The following SHISAL2B variants were observed in gnomAD, a reference collection of about 807,000 sequenced individuals.
The protein encoded by SHISAL2B is protein shisa-like-2B.
SHISAL2B carries 12 observed loss-of-function variants against 16.5 expected under a neutral mutation model. That is an observed-to-expected ratio of 0.73 (90% CI 0.47 to 1.18). SHISAL2B has a LOEUF of 1.18. SHISAL2B is among the 50% of genes most tolerant of loss of function. The probability of loss-of-function intolerance (pLI) is 0.00; values close to 1 mark genes in which losing one functional copy is unlikely to be tolerated. For missense variants in SHISAL2B, 183 were observed against 193.6 expected, an observed-to-expected ratio of 0.95 and a Z score of 0.33; for synonymous variants, 72 against 75.0, an observed-to-expected ratio of 0.96 and a Z score of 0.21.
At chr5:64,716,436 G>A (rs1561379051) in intron 2 of SHISAL2B, among the ~76,000 whole-genome samples, 1 of 152,114 alleles carries the variant, frequency 6.6e-6, no homozygotes, top group Non-Finnish European at 1.5e-5. Flanking sequence ...TTGGAATGTG[G>A]TACTTAAATT....
chr5:64,701,079 C>G (rs1025146021), intron 2 of SHISAL2B, among the ~76,000 whole-genome samples: 1 of 152,156 alleles, frequency 6.6e-6, no homozygotes, highest in African/African-American at 2.4e-5. Flanking sequence ...TTTAAATCAT[C>G]TCTAGGTTAA....
At chr5:64,713,135 C>T (rs998799784) in intron 2 of SHISAL2B, among the ~76,000 whole-genome samples, 9 of 140,944 alleles carry the variant, frequency 6.4e-5, no homozygotes, top group Non-Finnish European at 1.1e-4. Flanking sequence ...TTCCTAGTCT[C>T]GATGGTCTTT....
chr5:64,703,418 G>C (rs1741836200), intron 2 of SHISAL2B, among the ~76,000 whole-genome samples: 1 of 152,130 alleles, frequency 6.6e-6, no homozygotes, highest in Non-Finnish European at 1.5e-5. Context: ...AACTGCTTTT[G>C]TTCCTACAAT....
At chr5:64,699,923 C>T (rs2112060805) in intron 2 of SHISAL2B, among the ~76,000 whole-genome samples, 1 of 152,304 alleles carries the variant, frequency 6.6e-6, no homozygotes, top group East Asian at 1.9e-4. Flanking sequence ...ATTGTAGACT[C>T]TAATTGGACT....
intron 2 of SHISAL2B, among the ~76,000 whole-genome samples, chr5:64,697,346 TAGA>T (rs1314517317): frequency 1.3e-5 from 2 of 152,198 alleles, no homozygotes; most frequent in Non-Finnish European, 2.9e-5. Flanking sequence ...AAAAAATAAG[TAGA>T]AGATGTATTG....
intron 1 of SHISAL2B, among the ~76,000 whole-genome samples, chr5:64,694,398 T>C (rs1289804682): frequency 1.3e-5 from 2 of 152,210 alleles, no homozygotes; most frequent in Admixed American, 6.5e-5. Flanking sequence ...CAAAATGTGG[T>C]TCAAGAAGTA....
At chr5:64,712,088 ATGTGTTTGCTCT>A (rs1741966902) in intron 2 of SHISAL2B, among the ~76,000 whole-genome samples, 1 of 81,816 alleles carries the variant, frequency 1.2e-5, no homozygotes, top group Non-Finnish European at 2.5e-5. Flanking sequence ...TAGCTTTTGA[ATGTGTTTGCTCT>A]TGCTTTTCTA....
At chr5:64,697,411 C>T (rs1310411275) in intron 2 of SHISAL2B, among the ~76,000 whole-genome samples, 3 of 152,128 alleles carry the variant, frequency 2.0e-5, no homozygotes, top group East Asian at 1.9e-4. Context: ...TGTAGTGTGA[C>T]TATAAAGTAG....
intron 1 of SHISAL2B, among the ~76,000 whole-genome samples, chr5:64,692,585 C>A (rs1483609868): frequency 1.3e-5 from 2 of 152,192 alleles, no homozygotes; most frequent in Non-Finnish European, 2.9e-5. Context: ...AATAGTCCAA[C>A]TGGGAAGAGT....
In SHISAL2B at chr5:64,715,173, A is replaced by G. The variant is rs140636791; in HGVS notation, c.350-2716A>G. Among the ~76,000 whole-genome samples, 11 of 152,294 alleles carry G rather than the reference A, an allele frequency of 7.2e-5. No individual in the cohort carries two copies. In the East Asian group the frequency reaches 2.1e-3, roughly 29 times the overall value. On this transcript the variant is annotated intron_variant, in intron 2 of 2. Transcript: ENST00000389074. ...ATTGATACTAGAAAGCATTTTACTTATAGAAAGGTATCTTTAATATATATT... is the reference window on the plus strand; with the variant it reads ...ATTGATACTAGAAAGCATTTTACTTGTAGAAAGGTATCTTTAATATATATT...
At position 64,690,661 on chromosome 5, in the gene SHISAL2B, G is replaced by A; in HGVS notation, c.38G>A (p.Ser13Asn). 6.5e-7 allele frequency: 1 copy of A among 1,531,626 alleles called. No individual in the cohort carries two copies. Among genetic ancestry groups the A allele is most frequent in the Non-Finnish European group, 8.7e-7 (1 of 1,144,350 alleles). The allele number at this position is 1,531,626 out of a possible 1,614,324, so 94.9% of individuals were successfully genotyped here. A position where few individuals can be genotyped will look rare whatever the true frequency, so the allele number is the denominator to read the frequency against. ...AGCCGACTGTGCTCCGGCTACTACA[G>A]CCTCAACCAGAGCTTCGTGGAGCCC... Reference protein sequence around the residue: ...EASRLCSGYYSLNQSFVEPFQ... With the variant: ...EASRLCSGYYNLNQSFVEPFQ... Residue 13 changes from serine to asparagine, a missense_variant, in exon 1 of 3, where the codon AGC (serine) becomes AAC (asparagine). Ser to Asn is a conservative substitution (Grantham distance 46). Transcript: ENST00000389074.
At chr5:64,694,333 G>A (rs1741698029) in intron 1 of SHISAL2B, 1 of 243,152 alleles carries the variant, frequency 4.1e-6, no homozygotes, top group African/African-American at 2.3e-5. Flanking sequence ...TTTTTGAGTA[G>A]AATTGATTAA....
At chr5:64,694,567 G>A (rs1407654598) in intron 1 of SHISAL2B, among the ~76,000 whole-genome samples, 1 of 152,182 alleles carries the variant, frequency 6.6e-6, no homozygotes, top group Non-Finnish European at 1.5e-5. Flanking sequence ...TTAGGGTGGA[G>A]CAAATACAAT....
rs568500076 is a variant in SHISAL2B, at chr5:64,693,733, C to T, written c.192-1774C>T. On this transcript the variant is annotated intron_variant, in intron 1 of 2. Coordinates refer to ENST00000389074, the MANE Select transcript of SHISAL2B (RefSeq NM_001164442.2). The stretch of plus-strand genomic sequence containing the variant: ...GTGCAAACAAGTACAAAAGAGGAGT[C>T]GCCAAATATAGGGAGTCTACCTTTT... Among the ~76,000 whole-genome samples the T allele has an allele frequency of 2.0e-3, 301 of 152,198 alleles. 2 individuals are homozygous for T. Among genetic ancestry groups the T allele is most frequent in the African/African-American group, 6.9e-3 (288 of 41,514 alleles).
In SHISAL2B at chr5:64,695,638, A is replaced by T; in HGVS notation, c.323A>T (p.His108Leu). 6.5e-7 allele frequency: 1 copy of T among 1,534,076 alleles called. No individual in the cohort carries two copies. Among genetic ancestry groups the T allele is most frequent in the Non-Finnish European group, 8.7e-7 (1 of 1,145,690 alleles). ...TTAGACACTGGCCTTAAGCTTCAAC[A>T]CTTAGAGGCTTCTTCCACTCAAGAA... ...QRLDTGLKLQ[H>L]LEASSTQEGK... Residue 108 changes from histidine (H) to leucine (L), a missense_variant, in exon 2 of 3, where the codon CAC (histidine) becomes CTC (leucine). Transcript: ENST00000389074.
At chr5:64,706,151 T>A (rs1411340541) in intron 2 of SHISAL2B, among the ~76,000 whole-genome samples, 1 of 152,202 alleles carries the variant, frequency 6.6e-6, no homozygotes, top group Admixed American at 6.5e-5. Flanking sequence ...AGAGCAAGAC[T>A]GCGTCTTAAA....
chr5:64,712,875 T>G (rs1384709421), intron 2 of SHISAL2B, among the ~76,000 whole-genome samples: 11 of 150,114 alleles, frequency 7.3e-5, no homozygotes, highest in African/African-American at 2.7e-4. Context: ...TGCCTTTTTT[T>G]GTTTTCCATT....
At chr5:64,691,315 C>T (rs1179980798) in intron 1 of SHISAL2B, 1 of 153,190 alleles carries the variant, frequency 6.5e-6, no homozygotes, top group Non-Finnish European at 1.4e-5. Context: ...TATTTTAAGA[C>T]TCTTTGAGGG....
Position 64,718,120 on chromosome 5 carries a change from G to A in SHISAL2B, c.*98G>A, listed in dbSNP as rs542010798. ...TTGTAATATTGCTTTTCAAAAATTC[G>A]TCACTCACAAAGCAAGACACAGCTG... On this transcript the variant is annotated 3_prime_UTR_variant, in exon 3 of 3. Coordinates refer to ENST00000389074, the MANE Select transcript of SHISAL2B (RefSeq NM_001164442.2). The A allele has an allele frequency of 3.1e-5, 34 of 1,090,104 alleles. No individual in the cohort carries two copies. Among genetic ancestry groups the A allele is most frequent in the Middle Eastern group, 2.2e-4 (1 of 4,546 alleles). The allele number at this position is 1,090,104 out of a possible 1,614,324, so 67.5% of individuals were successfully genotyped here.
Sources: gnomAD v4.1 joint callset for allele counts (sites outside exome capture counted in the v4.1 genomes callset) on GRCh38, gnomAD v4.1.1 for gene constraint, MANE v1.5 for transcripts, NCBI Gene and HGNC (gene_info 2026-07-23, HGNC 2026-07-21) for gene names.